The following RYR2 variants were observed in gnomAD, a reference collection of about 807,000 sequenced individuals.
RYR2 encodes the protein cardiac muscle ryanodine receptor-calcium release channel.
A neutral mutation model predicts 601.1 loss-of-function variants in RYR2; 227 were observed. The ratio of observed to expected loss-of-function variants is 0.38; its 90% CI spans 0.34 to 0.42. The LOEUF is 0.42. RYR2 is among the 10% of genes least tolerant of loss of function. RYR2 has a pLI of 1.00. For missense variants in RYR2, 4,646 were observed against 6,156.5 expected, an observed-to-expected ratio of 0.75 and a Z score of 8.21; for synonymous variants, 2,223 against 2,175.1, an observed-to-expected ratio of 1.02 and a Z score of -0.61.
At chr1:237,733,825 G>C in intron 79 of RYR2, 69 bp downstream of exon 79, 1 of 1,073,980 alleles carries the variant, frequency 9.3e-7, no homozygotes, top group Admixed American at 1.9e-5. Flanking sequence ...ATCTGAAAAG[G>C]ATAAGAATCT....
At chr1:237,291,053 C>T (rs904128736) in intron 2 of RYR2, among the ~76,000 whole-genome samples, 2 of 152,096 alleles carry the variant, frequency 1.3e-5, no homozygotes, top group African/African-American at 4.8e-5. Context: ...TAAATTGATA[C>T]TGCCTCTTTA....
chr1:237,127,714 G>A (rs1169572432), intron 1 of RYR2, among the ~76,000 whole-genome samples: 13 of 150,808 alleles, frequency 8.6e-5, no homozygotes, highest in Non-Finnish European at 4.4e-5. Flanking sequence ...ACGGGGTCGC[G>A]GCCGGGCAGA....
chr1:237,401,486 C>T (rs537516244), intron 10 of RYR2, among the ~76,000 whole-genome samples: 13 of 149,128 alleles, frequency 8.7e-5, no homozygotes, highest in Non-Finnish European at 1.6e-4. Flanking sequence ...CTTATGCTTG[C>T]AGTTTTATTA....
intron 63 of RYR2, among the ~76,000 whole-genome samples, chr1:237,698,051 T>G (rs1175396279): frequency 6.6e-6 from 1 of 151,562 alleles, no homozygotes; most frequent in Non-Finnish European, 1.5e-5. Flanking sequence ...ATACCAGTAT[T>G]ACAAAAACTT....
At chr1:237,140,177 T>C (rs1335510704) in intron 1 of RYR2, among the ~76,000 whole-genome samples, 1 of 152,262 alleles carries the variant, frequency 6.6e-6, no homozygotes, top group Non-Finnish European at 1.5e-5. Context: ...AACGTCTTTT[T>C]TGGCTTTCAT....
intron 63 of RYR2, among the ~76,000 whole-genome samples, chr1:237,698,326 T>A (rs1476299725): frequency 6.6e-6 from 1 of 152,096 alleles, no homozygotes; most frequent in East Asian, 1.9e-4. Context: ...AATGAGTGAA[T>A]TTTATATTAC....
intron 12 of RYR2, among the ~76,000 whole-genome samples, chr1:237,437,193 C>T (rs961251627): frequency 3.3e-5 from 5 of 151,766 alleles, no homozygotes; most frequent in African/African-American, 9.7e-5. Flanking sequence ...TACAGGCACC[C>T]GCCACCACGC....
chr1:237,189,179 A>G lies in RYR2; in HGVS notation c.49-81318A>G, dbSNP rs144183137. Among the ~76,000 whole-genome samples the G allele has an allele frequency of 6.8e-3, 1,030 of 152,298 alleles. 15 individuals are homozygous for G. The highest frequency in any genetic ancestry group is 0.023 in the African/African-American group (950 of 41,546). On this transcript the variant is annotated intron_variant, in intron 1 of 104. Coordinates refer to ENST00000366574, the MANE Select transcript of RYR2 (RefSeq NM_001035.3). ...TTGTGACTGGCTTGTTTCCCTTAGC[A>G]TGATATTCCTGAGCTTCATCTATGG...
At chr1:237,611,095 G>C in intron 36 of RYR2, 107 bp downstream of exon 36, 1 of 855,218 alleles carries the variant, frequency 1.2e-6, no homozygotes, top group East Asian at 2.7e-5. Context: ...AAAGAAACAA[G>C]ATGAAATTTA....
chr1:237,241,546 A>G (rs529731703), intron 1 of RYR2, among the ~76,000 whole-genome samples: 1 of 152,378 alleles, frequency 6.6e-6, no homozygotes, highest in Non-Finnish European at 1.5e-5. Flanking sequence ...CACGCAGGAA[A>G]GAATTCAAGA....
rs568803031 is a variant in RYR2, at chr1:237,066,884, G to C, written c.48+24315G>C. 2.1e-4 allele frequency among the ~76,000 whole-genome samples: 32 copies of C among 152,158 alleles called. 1 individual carries two copies. The South Asian group carries it at 3.5e-3, about 17-fold the overall frequency. On this transcript the variant is annotated intron_variant, in intron 1 of 104. Coordinates refer to ENST00000366574, the MANE Select transcript of RYR2 (RefSeq NM_001035.3). ...GATCTCCTGACCTCGCAATCCGCCC[G>C]CCTCGGCCTCCCAAAGTGCTGGGAT...
chr1:237,522,418 A>G lies in RYR2; in HGVS notation c.2823-8009A>G, dbSNP rs1285299686. Among the ~76,000 whole-genome samples, 5 of 152,264 alleles carry G rather than the reference A, an allele frequency of 3.3e-5. No homozygotes were observed. The East Asian group carries it at 9.6e-4, about 29-fold the overall frequency. ...GTAGCCCGCAGGCTGCGTGTTGGAC[A>G]AGCTTGCCAGATCTAAGGTCAGGTT... On this transcript the variant is annotated intron_variant, in intron 24 of 104. Coordinates refer to ENST00000366574, the MANE Select transcript of RYR2 (RefSeq NM_001035.3).
In RYR2 at chr1:237,654,224, T is replaced by A. The variant is rs747384923; in HGVS notation, c.7825-50T>A. 28 of 1,576,670 alleles carry A rather than the reference T, an allele frequency of 1.8e-5. 1 individual carries two copies. The African/African-American group carries it at 3.1e-4, about 17-fold the overall frequency. The stretch of plus-strand genomic sequence containing the variant: ...GATATGAGGAGAAATGAAAAAAAAA[T>A]ATAAAAGGTTTTGATAGCTCATTGC... On this transcript the variant is annotated intron_variant, in intron 51 of 104. Transcript: ENST00000366574.
At chr1:237,295,620 G>T (rs1231571920) in intron 2 of RYR2, among the ~76,000 whole-genome samples, 1 of 152,058 alleles carries the variant, frequency 6.6e-6, no homozygotes, top group African/African-American at 2.4e-5. Flanking sequence ...TGAAGTTCTG[G>T]AGTATTTTAA....
At chr1:237,043,372 C>T (rs1390641163) in intron 1 of RYR2, among the ~76,000 whole-genome samples, 4 of 152,074 alleles carry the variant, frequency 2.6e-5, no homozygotes, top group African/African-American at 7.2e-5. Context: ...TATTGCATGC[C>T]AAGTGAAGCA....
intron 27 of RYR2, among the ~76,000 whole-genome samples, chr1:237,553,863 G>T (rs1670635074): frequency 6.6e-6 from 1 of 151,778 alleles, no homozygotes; most frequent in Non-Finnish European, 1.5e-5. Flanking sequence ...TTTACATATT[G>T]ATCTTATATC....
At chr1:237,447,251 T>C (rs1439724676) in intron 14 of RYR2, among the ~76,000 whole-genome samples, 4 of 152,240 alleles carry the variant, frequency 2.6e-5, no homozygotes, top group Non-Finnish European at 4.4e-5. Flanking sequence ...ATCTCAGTGT[T>C]ATAGACATAA....
chr1:237,315,289 T>G (rs1037066665), intron 2 of RYR2, among the ~76,000 whole-genome samples: 1 of 152,192 alleles, frequency 6.6e-6, no homozygotes, highest in Non-Finnish European at 1.5e-5. Flanking sequence ...CAAGATAGTT[T>G]TAACATTTTA....
chr1:237,569,102 C>T (rs1672392463), intron 28 of RYR2, 43 bp from the exon 29 acceptor site: 1 of 1,564,978 alleles, frequency 6.4e-7, no homozygotes, highest in Non-Finnish European at 8.7e-7. Context: ...TGCGATTTTC[C>T]TGGCTTAGTC....
Sources: gnomAD v4.1 joint callset for allele counts (sites outside exome capture counted in the v4.1 genomes callset) on GRCh38, gnomAD v4.1.1 for gene constraint, MANE v1.5 for transcripts, NCBI Gene and HGNC (gene_info 2026-07-23, HGNC 2026-07-21) for gene names.